RYR3: variants seen among roughly 807,000 people sequenced by gnomAD.
RYR3 encodes brain ryanodine receptor-calcium release channel.
Under a neutral mutation model 584.3 loss-of-function variants are expected in RYR3, and 207 were observed. That is an observed-to-expected ratio of 0.35 (90% CI 0.32 to 0.40). The LOEUF (loss-of-function observed/expected upper bound fraction) is 0.40. Among genes scored for constraint, RYR3 ranks in the 10% least tolerant of loss-of-function variants. The pLI is 1.00. For synonymous variants in RYR3, 2,416 were observed against 2,248.5 expected, an observed-to-expected ratio of 1.07 and a Z score of -2.11; for missense variants, 5,616 against 6,089.2, an observed-to-expected ratio of 0.92 and a Z score of 2.59.
intron 22 of RYR3, among the ~76,000 whole-genome samples, chr15:33,630,516 C>T (rs1004318534): frequency 2.6e-5 from 4 of 152,198 alleles, no homozygotes; most frequent in African/African-American, 9.7e-5. Flanking sequence ...TACCTGTTCT[C>T]TTGTCTTTGT....
At chr15:33,523,860 A>G (rs780029983) in intron 3 of RYR3, among the ~76,000 whole-genome samples, 16 of 152,110 alleles carry the variant, frequency 1.1e-4, no homozygotes, top group Non-Finnish European at 1.9e-4. Context: ...GAAGGGAGTC[A>G]GGTATCGTCA....
chr15:33,344,497 A>G (rs1972201115), intron 1 of RYR3, among the ~76,000 whole-genome samples: 1 of 152,078 alleles, frequency 6.6e-6, no homozygotes, highest in South Asian at 2.1e-4. Flanking sequence ...TGGACAATAT[A>G]TATATATTTT....
At position 33,336,356 on chromosome 15, in the gene RYR3, T is replaced by C. The variant is rs552604123; in HGVS notation, c.51+25260T>C. Among the ~76,000 whole-genome samples the C allele has an allele frequency of 5.0e-3, 757 of 150,014 alleles. 7 individuals carry two copies. The highest frequency in any genetic ancestry group is 0.018 in the African/African-American group (717 of 40,512). ...CTGAGGCAGGAGAATCACTTCAACC[T>C]GGGAGGCTGCAGTGAGCTGAGATGG... On this transcript the variant is annotated intron_variant, in intron 1 of 103. Coordinates refer to ENST00000634891, the MANE Select transcript of RYR3 (RefSeq NM_001036.6).
At chr15:33,855,276 C>A (rs909254291) in intron 98 of RYR3, among the ~76,000 whole-genome samples, 2 of 152,062 alleles carry the variant, frequency 1.3e-5, no homozygotes, top group Non-Finnish European at 2.9e-5. Context: ...TGGCTCACTG[C>A]AACCTCCGAC....
chr15:33,622,945 A>G (rs1209387363), intron 19 of RYR3, among the ~76,000 whole-genome samples: 1 of 152,206 alleles, frequency 6.6e-6, no homozygotes, highest in Non-Finnish European at 1.5e-5. Flanking sequence ...CATATATATG[A>G]GGCTGACTTT....
chr15:33,705,522 G>T (rs1311694290), intron 42 of RYR3, among the ~76,000 whole-genome samples: 2 of 152,170 alleles, frequency 1.3e-5, no homozygotes, highest in Non-Finnish European at 2.9e-5. Flanking sequence ...GATATCAAAG[G>T]TGAAATTAGA....
In RYR3 at chr15:33,827,216, C is replaced by A; in HGVS notation, c.11263C>A (p.Arg3755=). The A allele has an allele frequency of 6.4e-7, 1 of 1,551,906 alleles. No individual in the cohort carries two copies. Among genetic ancestry groups the A allele is most frequent in the Non-Finnish European group, 8.7e-7 (1 of 1,147,138 alleles). Residue 3755 remains arginine (R), a synonymous_variant, in exon 85 of 104, where the codon CGG becomes AGG. Coordinates refer to ENST00000634891, the MANE Select transcript of RYR3 (RefSeq NM_001036.6). ...GCTCTCAGACTTTCAGAACTTCCTG[C>A]GGACTCAGATGGGCAACACCACCAC... ...GHNSDFQNFL[R]TQMGNTTTVN... is the part of the protein sequence containing the mutation.
intron 85 of RYR3, among the ~76,000 whole-genome samples, 178 bp downstream of exon 85, chr15:33,827,465 A>G (rs1258524157): frequency 6.6e-6 from 1 of 152,230 alleles, no homozygotes; most frequent in African/African-American, 2.4e-5. Flanking sequence ...TTGAAGACAG[A>G]AGTGGGAGAC....
intron 95 of RYR3, 130 bp downstream of exon 95, chr15:33,853,217 C>T (rs2079288897): frequency 2.1e-6 from 2 of 941,314 alleles, no homozygotes; most frequent in Non-Finnish European, 3.1e-6. Flanking sequence ...AAGAGTAAGT[C>T]ACAGAAGGGG....
intron 1 of RYR3, among the ~76,000 whole-genome samples, chr15:33,366,743 G>A (rs1975554928): frequency 6.6e-6 from 1 of 152,152 alleles, no homozygotes; most frequent in Non-Finnish European, 1.5e-5. Context: ...CATGGAGCCT[G>A]GAGACACAGT....
chr15:33,426,483 C>T (rs544141997), intron 1 of RYR3, among the ~76,000 whole-genome samples: 12 of 152,158 alleles, frequency 7.9e-5, no homozygotes, highest in Middle Eastern at 3.4e-3. Context: ...AAATGTTGCT[C>T]CTGGAAGTAG....
intron 36 of RYR3, among the ~76,000 whole-genome samples, chr15:33,665,658 C>T (rs2063455103): frequency 6.6e-6 from 1 of 152,224 alleles, no homozygotes; most frequent in South Asian, 2.1e-4. Context: ...CTTCTGCTGT[C>T]TCTTGGGCTA....
chr15:33,707,519 C>T (rs1429859533), intron 43 of RYR3, among the ~76,000 whole-genome samples: 1 of 152,044 alleles, frequency 6.6e-6, no homozygotes, highest in African/African-American at 2.4e-5. Context: ...CTATAACAAC[C>T]CTAAATATTA....
chr15:33,491,048 T>G (rs1444912093), intron 2 of RYR3, among the ~76,000 whole-genome samples: 1 of 152,144 alleles, frequency 6.6e-6, no homozygotes, highest in Non-Finnish European at 1.5e-5. Flanking sequence ...AAAAATAAAC[T>G]GCCAACAATT....
At chr15:33,559,070 G>A (rs1466671414) in intron 10 of RYR3, among the ~76,000 whole-genome samples, 2 of 152,176 alleles carry the variant, frequency 1.3e-5, no homozygotes, top group African/African-American at 2.4e-5. Context: ...GATTAGTCTA[G>A]GGGAATGGGG....
chr15:33,325,269 A>G (rs1160414236), intron 1 of RYR3, among the ~76,000 whole-genome samples: 4 of 152,198 alleles, frequency 2.6e-5, no homozygotes, highest in African/African-American at 9.7e-5. Flanking sequence ...CTTTACTCCC[A>G]TGAGATTCTG....
chr15:33,668,149 T>TAA (rs1364885976), intron 36 of RYR3, among the ~76,000 whole-genome samples: 5 of 113,558 alleles, frequency 4.4e-5, no homozygotes, highest in Non-Finnish European at 7.3e-5. Context: ...ATACTGAAAA[T>TAA]ACAAAAAAAA....
Position 33,543,495 on chromosome 15 carries a change from A to T in RYR3, c.647-127A>T. 3 of 703,834 alleles carry T rather than the reference A, an allele frequency of 4.3e-6. 1 individual carries two copies. In the South Asian group the frequency reaches 5.0e-5, roughly 12 times the overall value. 43.6% of individuals were successfully genotyped at this position (703,834 alleles called of 1,614,324 possible). ...GCCTGCATTCATGGAATATGTAGTT[A>T]TCAAAATGTGTCTCTCTCAGTATTT... On this transcript the variant is annotated intron_variant, in intron 7 of 103. Coordinates refer to ENST00000634891, the MANE Select transcript of RYR3 (RefSeq NM_001036.6).
At chr15:33,703,248 C>T (rs1037588030) in intron 42 of RYR3, among the ~76,000 whole-genome samples, 7 of 152,192 alleles carry the variant, frequency 4.6e-5, no homozygotes, top group African/African-American at 1.2e-4. Flanking sequence ...ACAAAACGCC[C>T]GTGTTTGTGC....
Sources: allele counts gnomAD v4.1 joint callset (sites outside exome capture counted in the v4.1 genomes callset), GRCh38; gene constraint gnomAD v4.1.1; transcripts MANE v1.5; gene names NCBI Gene and HGNC (gene_info 2026-07-23, HGNC 2026-07-21).